The following RAD51B variants were observed in gnomAD, a reference collection of about 807,000 sequenced individuals.
RAD51B encodes DNA repair protein RAD51 homolog 2.
RAD51B carries 38 observed loss-of-function variants against 42.2 expected under a neutral mutation model. The ratio of observed to expected loss-of-function variants is 0.90; its 90% CI spans 0.70 to 1.18. RAD51B has a LOEUF of 1.18. Ranked by LOEUF, RAD51B falls within the 50% of genes most tolerant of loss-of-function variation. The pLI is 0.00. For synonymous variants in RAD51B, 154 were observed against 145.2 expected (o/e 1.06, Z -0.43); for missense variants, 373 against 400.7 (o/e 0.93, Z 0.59).
chr14:67,828,121 T>G (rs1024126942), intron 3 of RAD51B, among the ~76,000 whole-genome samples: 6 of 152,166 alleles, frequency 3.9e-5, no homozygotes, highest in African/African-American at 1.4e-4. Context: ...GTAAAAGCAT[T>G]CCTATTAGTC....
chr14:67,882,047 A>G (rs763379679), intron 5 of RAD51B, among the ~76,000 whole-genome samples: 1 of 152,206 alleles, frequency 6.6e-6, no homozygotes, highest in Non-Finnish European at 1.5e-5. Flanking sequence ...ATCATGGTTC[A>G]CTGCAGCTTT....
chr14:67,831,152 G>A (rs2041030674), intron 3 of RAD51B, among the ~76,000 whole-genome samples: 1 of 152,148 alleles, frequency 6.6e-6, no homozygotes, highest in African/African-American at 2.4e-5. Context: ...CGGGATTACA[G>A]GCGTGAACCA....
chr14:67,892,980 C>A (rs1222557993), intron 7 of RAD51B, among the ~76,000 whole-genome samples: 1 of 152,148 alleles, frequency 6.6e-6, no homozygotes, highest in Non-Finnish European at 1.5e-5. Context: ...TGATCTGTAT[C>A]CTTTTTCTGT....
intron 8 of RAD51B, among the ~76,000 whole-genome samples, chr14:68,372,186 A>C (rs763087216): frequency 1.3e-5 from 2 of 152,190 alleles, no homozygotes; most frequent in African/African-American, 4.8e-5. Context: ...GATTTGGCAG[A>C]TACAATCAAT....
At chr14:68,646,176 C>T (rs1352210951) in intron 10 of RAD51B, among the ~76,000 whole-genome samples, 1 of 152,058 alleles carries the variant, frequency 6.6e-6, no homozygotes, top group Non-Finnish European at 1.5e-5. Context: ...TGCATCTGGC[C>T]AAAGGGCTTT....
intron 10 of RAD51B, among the ~76,000 whole-genome samples, chr14:68,593,390 T>A (rs1890844873): frequency 6.6e-6 from 1 of 152,186 alleles, no homozygotes; most frequent in Non-Finnish European, 1.5e-5. Context: ...CGCCAGCCGA[T>A]GATCATTGGG....
intron 7 of RAD51B, among the ~76,000 whole-genome samples, chr14:68,051,635 G>T (rs1324459302): frequency 1.3e-5 from 2 of 150,702 alleles, no homozygotes; most frequent in African/African-American, 2.4e-5. Context: ...TTGCTTTGTT[G>T]CCCAGGCTGG....
At chr14:68,344,311 T>C (rs2082627731) in intron 8 of RAD51B, among the ~76,000 whole-genome samples, 1 of 152,256 alleles carries the variant, frequency 6.6e-6, no homozygotes, top group African/African-American at 2.4e-5. Flanking sequence ...GTGCCCTGGA[T>C]GTGGGACATG....
intron 9 of RAD51B, among the ~76,000 whole-genome samples, chr14:68,440,132 A>C (rs1594841277): frequency 2.7e-5 from 4 of 150,692 alleles, no homozygotes; most frequent in African/African-American, 1.0e-4. Flanking sequence ...TTTGGCTAGT[A>C]ATAATGGTTG....
At chr14:68,518,949 A>T (rs534192580) in intron 10 of RAD51B, among the ~76,000 whole-genome samples, 1 of 152,214 alleles carries the variant, frequency 6.6e-6, no homozygotes, top group Non-Finnish European at 1.5e-5. Context: ...GCCAGAGCCT[A>T]GGAACCAGCA....
At chr14:67,821,234 A>G (rs574189164) in intron 1 of RAD51B, among the ~76,000 whole-genome samples, 5 of 152,316 alleles carry the variant, frequency 3.3e-5, no homozygotes, top group African/African-American at 1.2e-4. Context: ...AACTATGAGT[A>G]TTCAAAGGGG....
At chr14:68,662,298 T>G (rs1312699288) in intron 11 of RAD51B, among the ~76,000 whole-genome samples, 3 of 152,270 alleles carry the variant, frequency 2.0e-5, no homozygotes, top group African/African-American at 7.2e-5. Flanking sequence ...TTCCATTTGT[T>G]TAGCCCCAAG....
At chr14:68,127,604 AACACACACACACACAC>A (rs1158570155) in intron 7 of RAD51B, among the ~76,000 whole-genome samples, 3,283 of 133,612 alleles carry the variant, frequency 0.025, 91 homozygotes, top group African/African-American at 0.071. Context: ...TGTACATTGT[AACACACACACACACAC>A]ACACACACAC....
intron 7 of RAD51B, among the ~76,000 whole-genome samples, chr14:68,287,228 T>G (rs902288667): frequency 2.6e-5 from 4 of 152,158 alleles, no homozygotes; most frequent in African/African-American, 9.7e-5. Context: ...TTTCTCCCTA[T>G]TTTTCCTTGT....
At chr14:67,823,285 T>G (rs1391855121) in intron 1 of RAD51B, among the ~76,000 whole-genome samples, 1 of 152,228 alleles carries the variant, frequency 6.6e-6, no homozygotes. Flanking sequence ...CAATTAATTG[T>G]GTGAAATTAT....
chr14:68,068,319 T>C (rs1345430369), intron 7 of RAD51B, among the ~76,000 whole-genome samples: 3 of 152,198 alleles, frequency 2.0e-5, no homozygotes, highest in African/African-American at 7.2e-5. Flanking sequence ...CCATTTTCTT[T>C]CCCTGTGGAT....
chr14:68,083,057 G>A (rs1054103869), intron 7 of RAD51B, among the ~76,000 whole-genome samples: 2 of 152,148 alleles, frequency 1.3e-5, no homozygotes, highest in Non-Finnish European at 2.9e-5. Context: ...CTTTTAACCT[G>A]TGATTTCAGT....
At chr14:68,385,836 C>G (rs1333199871) in intron 8 of RAD51B, among the ~76,000 whole-genome samples, 2 of 152,186 alleles carry the variant, frequency 1.3e-5, no homozygotes, top group Non-Finnish European at 2.9e-5. Context: ...AGACACTACT[C>G]TAGGCATTTA....
In RAD51B at chr14:68,450,478, C is replaced by T. The variant is rs534714382; in HGVS notation, c.958-17694C>T. 7.2e-5 allele frequency among the ~76,000 whole-genome samples: 11 copies of T among 152,224 alleles called. No homozygotes were observed. In the East Asian group the frequency reaches 2.1e-3, roughly 29 times the overall value. ...AGGTGATCCACCCGCCTTGGCCGCC[C>T]GAAGTGCTGGGATTATAGGCGTGAA... On this transcript the variant is annotated intron_variant, in intron 9 of 10. Coordinates refer to ENST00000471583, the MANE Select transcript of RAD51B (RefSeq NM_133510.4).
Sources: gnomAD v4.1 joint callset for allele counts (sites outside exome capture counted in the v4.1 genomes callset) on GRCh38, gnomAD v4.1.1 for gene constraint, MANE v1.5 for transcripts, NCBI Gene and HGNC (gene_info 2026-07-23, HGNC 2026-07-21) for gene names.